The following MANBA variants were observed in gnomAD, a reference collection of about 807,000 sequenced individuals.
MANBA encodes beta-mannosidase.
In MANBA, 83 loss-of-function variants were observed where a neutral mutation model predicts 111.1. That is an observed-to-expected ratio of 0.75 (90% CI 0.63 to 0.90). The LOEUF is 0.90. Among genes scored for constraint, MANBA ranks in the 40% least tolerant of loss-of-function variants. The pLI is 0.00. For synonymous variants in MANBA, 370 were observed against 378.7 expected (o/e 0.98, Z 0.27); for missense variants, 1,036 against 1,069.0 (o/e 0.97, Z 0.43).
At chr4:102,687,463 C>A (rs1462325616) in intron 7 of MANBA, among the ~76,000 whole-genome samples, 1 of 152,216 alleles carries the variant, frequency 6.6e-6, no homozygotes, top group African/African-American at 2.4e-5. Flanking sequence ...GTCCTAGCTA[C>A]TTTTACAACA....
At chr4:102,696,574 G>C (rs1024691868) in intron 5 of MANBA, among the ~76,000 whole-genome samples, 1 of 152,124 alleles carries the variant, frequency 6.6e-6, no homozygotes, top group African/African-American at 2.4e-5. Flanking sequence ...GGAACCATAA[G>C]GACTAGCAGG....
At chr4:102,654,617 A>C (rs1291099976) in intron 12 of MANBA, among the ~76,000 whole-genome samples, 1 of 152,170 alleles carries the variant, frequency 6.6e-6, no homozygotes, top group Non-Finnish European at 1.5e-5. Flanking sequence ...GATGAAGAAA[A>C]AGCACTTGAA....
At chr4:102,712,086 G>T (rs1722094088) in intron 5 of MANBA, among the ~76,000 whole-genome samples, 1 of 152,168 alleles carries the variant, frequency 6.6e-6, no homozygotes, top group Admixed American at 6.5e-5. Context: ...CCAACATAGA[G>T]AAATGATAAA....
At chr4:102,700,968 C>A (rs1424973358) in intron 5 of MANBA, among the ~76,000 whole-genome samples, 1 of 152,026 alleles carries the variant, frequency 6.6e-6, no homozygotes, top group African/African-American at 2.4e-5. Context: ...GTGTTAAAGT[C>A]TCCCATTATT....
At chr4:102,756,127 T>C (rs769986904) in intron 1 of MANBA, among the ~76,000 whole-genome samples, 1 of 152,234 alleles carries the variant, frequency 6.6e-6, no homozygotes, top group Non-Finnish European at 1.5e-5. Context: ...TCACTGGGTA[T>C]ATACCCAAAG....
chr4:102,643,354 A>C (rs1291270884), intron 13 of MANBA, among the ~76,000 whole-genome samples: 2 of 152,200 alleles, frequency 1.3e-5, no homozygotes, highest in African/African-American at 4.8e-5. Context: ...TGCTGCTATG[A>C]ATCTGTGAAC....
intron 4 of MANBA, among the ~76,000 whole-genome samples, chr4:102,720,010 C>A (rs960677444): frequency 6.6e-6 from 1 of 152,176 alleles, no homozygotes. Flanking sequence ...TTAAATGCCA[C>A]AAATTGAATA....
At chr4:102,669,615 G>A (rs1731395604) in intron 9 of MANBA, among the ~76,000 whole-genome samples, 1 of 151,966 alleles carries the variant, frequency 6.6e-6, no homozygotes, top group African/African-American at 2.4e-5. Flanking sequence ...AGGCTGAGGC[G>A]GGGCGTATCA....
At chr4:102,751,554 G>A (rs1192838539) in intron 1 of MANBA, 1 of 534,816 alleles carries the variant, frequency 1.9e-6, no homozygotes, top group African/African-American at 1.9e-5. Context: ...CAAACATATG[G>A]AGTTTTATTT....
chr4:102,735,330 C>T (rs770856851), intron 1 of MANBA, among the ~76,000 whole-genome samples: 2 of 152,078 alleles, frequency 1.3e-5, no homozygotes, highest in Non-Finnish European at 2.9e-5. Flanking sequence ...TTCAACCCTT[C>T]AACCCATCAT....
intron 5 of MANBA, among the ~76,000 whole-genome samples, chr4:102,711,957 A>G (rs1722087615): frequency 6.6e-6 from 1 of 152,208 alleles, no homozygotes; most frequent in African/African-American, 2.4e-5. Context: ...GAATGGGTAC[A>G]AGCATGCATT....
chr4:102,711,802 TAGAC>T (rs1433191421), intron 5 of MANBA, among the ~76,000 whole-genome samples: 1 of 152,074 alleles, frequency 6.6e-6, no homozygotes. Flanking sequence ...TAAGTGAAAT[TAGAC>T]AGAGAAAGAC....
At chr4:102,708,264 A>C (rs191565664) in intron 5 of MANBA, among the ~76,000 whole-genome samples, 1 of 152,260 alleles carries the variant, frequency 6.6e-6, no homozygotes, top group East Asian at 1.9e-4. Flanking sequence ...CAAAAAAATG[A>C]CTCAACAAGT....
chr4:102,697,081 C>T (rs541464361), intron 5 of MANBA, among the ~76,000 whole-genome samples: 14 of 152,202 alleles, frequency 9.2e-5, no homozygotes, highest in African/African-American at 2.9e-4. Flanking sequence ...GCAAAAGAGA[C>T]GCAAGGCAAA....
In MANBA at chr4:102,645,972, A is replaced by G. The variant is rs566872801; in HGVS notation, c.1869+4565T>C. Among the ~76,000 whole-genome samples the G allele has an allele frequency of 5.3e-5, 8 of 152,292 alleles. No individual in the cohort carries two copies. In the South Asian group the frequency reaches 1.7e-3, roughly 32 times the overall value. On this transcript the variant is annotated intron_variant, in intron 13 of 16. Transcript: ENST00000647097. ...TATTGCAACTGTGAAGGGATAGAATATTACAGTTTAAAAAGCAGAAACCCT... is the reference window on the plus strand; with the variant it reads ...TATTGCAACTGTGAAGGGATAGAATGTTACAGTTTAAAAAGCAGAAACCCT...
intron 4 of MANBA, among the ~76,000 whole-genome samples, chr4:102,717,726 C>A (rs1277914945): frequency 6.6e-6 from 1 of 152,078 alleles, no homozygotes; most frequent in Admixed American, 6.6e-5. Context: ...ACAGCATGTG[C>A]AAAGGTCTGG....
chr4:102,680,582 T>TAA (rs397722736), intron 7 of MANBA, among the ~76,000 whole-genome samples: 1 of 142,470 alleles, frequency 7.0e-6, no homozygotes, highest in African/African-American at 2.5e-5. Context: ...TCCAAAGTTC[T>TAA]AAAAAAAAAA....
chr4:102,720,338 G>A (rs1051595014), intron 4 of MANBA, among the ~76,000 whole-genome samples: 1 of 152,066 alleles, frequency 6.6e-6, no homozygotes, highest in Non-Finnish European at 1.5e-5. Flanking sequence ...GGGAGGCTGA[G>A]GCAAAAGAAT....
intron 13 of MANBA, among the ~76,000 whole-genome samples, chr4:102,650,308 C>T (rs1163550963): frequency 6.6e-6 from 1 of 152,178 alleles, no homozygotes; most frequent in African/African-American, 2.4e-5. Context: ...TATTTTCATA[C>T]ACAATTTATT....
Sources: allele counts gnomAD v4.1 joint callset (sites outside exome capture counted in the v4.1 genomes callset), GRCh38; gene constraint gnomAD v4.1.1; transcripts MANE v1.5; gene names NCBI Gene and HGNC (gene_info 2026-07-23, HGNC 2026-07-21).